TNRC6A: variants seen among roughly 807,000 people sequenced by gnomAD.
The protein encoded by TNRC6A is trinucleotide repeat containing adaptor 6A.
A neutral mutation model predicts 221.2 loss-of-function variants in TNRC6A; 44 were observed. That is an observed-to-expected ratio of 0.20 (90% CI 0.16 to 0.26). TNRC6A has a LOEUF of 0.26. Ranked by LOEUF, TNRC6A falls within the 10% of genes least tolerant of loss-of-function variation. The pLI is 1.00. For missense variants in TNRC6A, 2,199 were observed against 2,404.4 expected, an observed-to-expected ratio of 0.91 and a Z score of 1.79; for synonymous variants, 847 against 838.5, an observed-to-expected ratio of 1.01 and a Z score of -0.18.
rs537784748 is a variant in TNRC6A at position 24,664,946 on chromosome 16, A to G, written n.402+23937A>G. On this transcript the variant is annotated intron_variant and non_coding_transcript_variant, in intron 2 of 2. Transcript: ENST00000566108. ...AGACAGAAGCCAGCAGAAGTAAGGCACGAGGCTCCACAGAATCACGGGATG... is the reference window on the plus strand; with the variant it reads ...AGACAGAAGCCAGCAGAAGTAAGGCGCGAGGCTCCACAGAATCACGGGATG... 1.5e-3 allele frequency: 673 copies of G among 456,434 alleles called. 3 individuals are homozygous for G. Among genetic ancestry groups the G allele is most frequent in the African/African-American group, 0.01 (503 of 50,128 alleles). 28.3% of individuals were successfully genotyped at this position (456,434 alleles called of 1,614,324 possible).
intron 2 of TNRC6A, among the ~76,000 whole-genome samples, chr16:24,675,207 G>T (rs1046680475): frequency 1.1e-4 from 16 of 152,086 alleles, no homozygotes; most frequent in Admixed American, 2.6e-4. Flanking sequence ...CCCAACATGG[G>T]GGGAAATAAT....
intron 2 of TNRC6A, among the ~76,000 whole-genome samples, chr16:24,733,324 C>G (rs1176832058): frequency 6.6e-6 from 1 of 152,250 alleles, no homozygotes; most frequent in African/African-American, 2.4e-5. Context: ...TCCTTTTCCT[C>G]TGCTAAGCTG....
At chr16:24,793,302 C>CT (rs1002644259) in intron 6 of TNRC6A, 171 bp from the exon 7 acceptor site, 16 of 425,672 alleles carry the variant, frequency 3.8e-5, no homozygotes, top group African/African-American at 2.2e-4. Flanking sequence ...AATAGTTTGT[C>CT]TTTTTTTAAC....
intron 2 of TNRC6A, among the ~76,000 whole-genome samples, chr16:24,732,065 G>A (rs1417818350): frequency 1.3e-5 from 2 of 152,222 alleles, no homozygotes; most frequent in East Asian, 1.9e-4. Flanking sequence ...TCCCATTCAT[G>A]TGCTTGAGAA....
intron 4 of TNRC6A, among the ~76,000 whole-genome samples, chr16:24,764,759 C>G (rs1428756970): frequency 1.3e-5 from 2 of 152,110 alleles, no homozygotes; most frequent in Non-Finnish European, 2.9e-5. Flanking sequence ...ATACAGTAAT[C>G]CCCCTGTATC....
At chr16:24,737,361 TAAAA>T (rs1050078538) in intron 2 of TNRC6A, among the ~76,000 whole-genome samples, 1 of 151,782 alleles carries the variant, frequency 6.6e-6, no homozygotes, top group Non-Finnish European at 1.5e-5. Flanking sequence ...CTTTCCATCT[TAAAA>T]AAAAGCCACC....
In TNRC6A at chr16:24,789,596, A is replaced by G; in HGVS notation, c.954A>G (p.Gly318=). ...SSTGPWGFSH[G]AIISTCQVSV... ...CTGGGCCATGGGGTTTTTCCCATGG[A>G]GCCATAATAAGCACATGTCAGGTCT... is the stretch of plus-strand genomic sequence containing the variant. Residue 318 remains glycine, a synonymous_variant, in exon 6 of 25, where the codon GGA becomes GGG. Coordinates refer to ENST00000395799, the MANE Select transcript of TNRC6A (RefSeq NM_014494.4). The G allele has an allele frequency of 1.9e-6, 3 of 1,614,072 alleles. No individual in the cohort carries two copies. The South Asian group carries it at 3.3e-5, about 18-fold the overall frequency.
rs568013966 is a variant in TNRC6A, at chr16:24,645,434, G to A, written n.402+4425G>A. On this transcript the variant is annotated intron_variant and non_coding_transcript_variant, in intron 2 of 2. Coordinates refer to the TNRC6A transcript ENST00000566108. ...GAGCCTGGGAGGCAGAGGTTGCAGTGAGCCAAGATCACGCCACTGCACTCC... is the reference window on the plus strand; with the variant it reads ...GAGCCTGGGAGGCAGAGGTTGCAGTAAGCCAAGATCACGCCACTGCACTCC... 1.2e-4 allele frequency among the ~76,000 whole-genome samples: 18 copies of A among 151,790 alleles called. No homozygotes were observed. In the South Asian group the frequency reaches 3.5e-3, roughly 30 times the overall value.
At chr16:24,724,541 T>G (rs2056462095) in intron 2 of TNRC6A, among the ~76,000 whole-genome samples, 1 of 151,764 alleles carries the variant, frequency 6.6e-6, no homozygotes, top group Non-Finnish European at 1.5e-5. Context: ...AGCTCAGGAG[T>G]TGGAGACCAG....
At chr16:24,656,964 G>A (rs965444760) in intron 2 of TNRC6A, among the ~76,000 whole-genome samples, 3 of 152,048 alleles carry the variant, frequency 2.0e-5, no homozygotes, top group Non-Finnish European at 4.4e-5. Context: ...ACAAATAATA[G>A]AAATAAATGT....
rs181010142 is a variant in TNRC6A, at chr16:24,797,679, T to C, written c.3642+109T>C. On this transcript the variant is annotated intron_variant, in intron 10 of 24. Transcript: ENST00000395799. ...TTTCATCTTCGAGTCCTTAGGAATG[T>C]ACTTGATGTTAGAGTAAAATCGGCC... 5.1e-3 allele frequency: 5,207 copies of C among 1,024,712 alleles called. 9 individuals carry two copies. Among genetic ancestry groups the C allele is most frequent in the Non-Finnish European group, 6.6e-3 (4,725 of 719,550 alleles). 63.5% of individuals were successfully genotyped at this position (1,024,712 alleles called of 1,614,324 possible).
chr16:24,727,657 A>G (rs554080386), upstream of TNRC6A, among the ~76,000 whole-genome samples: 11 of 152,346 alleles, frequency 7.2e-5, no homozygotes, highest in Admixed American at 2.6e-4. Context: ...GCAAATGTTG[A>G]TAAATATGAC....
In TNRC6A at chr16:24,824,126, A is replaced by ACCG. The variant is rs2058826378; in HGVS notation, c.*321_*322insGCC. ...TTTTTTTTCCTTCTATTCCTCCCCA[A>ACCG]CCCCCCCCCCCGCCCCTTTTTTTCT... On this transcript the variant is annotated 3_prime_UTR_variant, in exon 25 of 25. Coordinates refer to ENST00000395799, the MANE Select transcript of TNRC6A (RefSeq NM_014494.4). The ACCG allele has an allele frequency of 7.7e-5, 2 of 25,980 alleles. No individual in the cohort carries two copies. Among genetic ancestry groups the ACCG allele is most frequent in the African/African-American group, 2.8e-4 (2 of 7,242 alleles). The allele number at this position is 25,980 out of a possible 1,614,324, so 1.6% of individuals were successfully genotyped here. A position where few individuals can be genotyped will look rare whatever the true frequency, so the allele number is the denominator to read the frequency against.
chr16:24,617,738 G>A (rs1017317893), intron 1 of TNRC6A, among the ~76,000 whole-genome samples: 11 of 152,254 alleles, frequency 7.2e-5, no homozygotes, highest in African/African-American at 2.4e-4. Context: ...GGTCAAGCCA[G>A]GCTGTGTTAT....
intron 2 of TNRC6A, among the ~76,000 whole-genome samples, chr16:24,739,653 A>G (rs1370980259): frequency 1.3e-5 from 2 of 151,682 alleles, no homozygotes; most frequent in Non-Finnish European, 2.9e-5. Flanking sequence ...TAATTTTTGT[A>G]TTTTTAATAG....
chr16:24,765,774 A>G (rs955199533), intron 4 of TNRC6A, among the ~76,000 whole-genome samples: 3 of 152,176 alleles, frequency 2.0e-5, no homozygotes, highest in Non-Finnish European at 4.4e-5. Flanking sequence ...TAATAAAATG[A>G]TTATTTTTAG....
chr16:24,648,203 C>G (rs1426671641), intron 2 of TNRC6A, among the ~76,000 whole-genome samples: 1 of 151,218 alleles, frequency 6.6e-6, no homozygotes, highest in Non-Finnish European at 1.5e-5. Flanking sequence ...TTGATATATA[C>G]TAAGAAGTGA....
At chr16:24,819,894 C>G (rs562722743) in intron 21 of TNRC6A, among the ~76,000 whole-genome samples, 1 of 152,278 alleles carries the variant, frequency 6.6e-6, no homozygotes, top group African/African-American at 2.4e-5. Context: ...GTTTTGGACA[C>G]TGGCCTAAGA....
At chr16:24,768,303 C>T (rs1470797869) in intron 4 of TNRC6A, among the ~76,000 whole-genome samples, 1 of 151,792 alleles carries the variant, frequency 6.6e-6, no homozygotes, top group African/African-American at 2.4e-5. Flanking sequence ...TGGTGGCGGG[C>T]GCGCCTGTAG....
Sources: gnomAD v4.1 joint callset for allele counts (sites outside exome capture counted in the v4.1 genomes callset) on GRCh38, gnomAD v4.1.1 for gene constraint, MANE v1.5 for transcripts, NCBI Gene and HGNC (gene_info 2026-07-23, HGNC 2026-07-21) for gene names.